COL21A1: variants seen among roughly 807,000 people sequenced by gnomAD.
The protein encoded by COL21A1 is collagen type XXI alpha 1 chain.
COL21A1 carries 149 observed loss-of-function variants against 137.9 expected under a neutral mutation model. The ratio of observed to expected loss-of-function variants is 1.08; its 90% confidence interval spans 0.95 to 1.24. COL21A1 has a LOEUF of 1.24. Ranked by LOEUF, COL21A1 falls within the 50% of genes most tolerant of loss-of-function variation. COL21A1 has a pLI of 0.00. For synonymous variants in COL21A1, 456 were observed against 391.5 expected (o/e 1.16, Z -1.95); for missense variants, 1,167 against 1,158.4 (o/e 1.01, Z -0.11).
intron 1 of COL21A1, among the ~76,000 whole-genome samples, chr6:56,213,506 T>C (rs188428190): frequency 1.3e-5 from 2 of 152,196 alleles, no homozygotes; most frequent in Non-Finnish European, 2.9e-5. Flanking sequence ...TAGCCTTGCT[T>C]AGCCACAGTA....
At chr6:56,280,560 A>G (rs557413888) in intron 1 of COL21A1, among the ~76,000 whole-genome samples, 1 of 152,314 alleles carries the variant, frequency 6.6e-6, no homozygotes, top group Admixed American at 6.5e-5. Flanking sequence ...GAAAAGCCCA[A>G]TCAAGGACTC....
intron 1 of COL21A1, among the ~76,000 whole-genome samples, chr6:56,282,665 C>G (rs761356486): frequency 3.9e-5 from 6 of 152,190 alleles, no homozygotes; most frequent in Non-Finnish European, 8.8e-5. Flanking sequence ...TAAATCAAAT[C>G]CAGACACCTT....
rs765498444 is a variant in COL21A1, at chr6:56,182,521, T to C, written c.88+10A>G. On this transcript the variant is annotated intron_variant, in intron 2 of 29. Transcript: ENST00000244728. ...TGATAACAAAAAAGGACAATGCTGA[T>C]AGTTCTTACTTGATCTTACTTCCCC... The C allele has an allele frequency of 3.9e-6, 6 of 1,558,300 alleles. No individual in the cohort carries two copies. The highest frequency in any genetic ancestry group is 1.4e-5 in the African/African-American group (1 of 73,920).
rs187561208 is a variant in COL21A1 at position 56,156,068 on chromosome 6, A to G, written c.1434+819T>C. On this transcript the variant is annotated intron_variant, in intron 10 of 29. Coordinates refer to ENST00000244728, the MANE Select transcript of COL21A1 (RefSeq NM_030820.4). ...TTTAGTCAGACTATAAATATATCCCAGTGTATACATTATTAGGAAAATAAC... is the reference window on the plus strand; with the variant it reads ...TTTAGTCAGACTATAAATATATCCCGGTGTATACATTATTAGGAAAATAAC... 9.2e-5 allele frequency among the ~76,000 whole-genome samples: 14 copies of G among 152,354 alleles called. No individual in the cohort carries two copies. In the East Asian group the frequency reaches 2.5e-3, roughly 27 times the overall value.
chr6:56,151,216 ACTCTGT>A (rs983458508), intron 10 of COL21A1, among the ~76,000 whole-genome samples: 2 of 152,198 alleles, frequency 1.3e-5, no homozygotes, highest in Admixed American at 6.5e-5. Context: ...ACAGAGCAAG[ACTCTGT>A]CTCAAACAAA....
In COL21A1 at chr6:56,069,071, C is replaced by G. The variant is rs1348329661; in HGVS notation, c.2066G>C (p.Gly689Ala). Reference protein sequence around the residue: ...TGSPGEPGYMGLPGIQGKKGD... With the variant: ...TGSPGEPGYMALPGIQGKKGD... ...CTTTTTTCCTTGAATCCCGGGTAAA[C>G]CCATGTATCCTGGTTCTCCTGGGGA... is the stretch of plus-strand genomic sequence containing the variant. Residue 689 changes from glycine (G) to alanine (A), a missense_variant, in exon 22 of 30, where the codon GGT (glycine) becomes GCT (alanine). By Grantham distance (60) the Gly-to-Ala change is moderately conservative (BLOSUM62 0). Transcript: ENST00000244728. The G allele has an allele frequency of 6.2e-7, 1 of 1,600,476 alleles. No homozygotes were observed.
chr6:56,345,613 C>T (rs1765579768), intron 1 of COL21A1, among the ~76,000 whole-genome samples: 1 of 152,194 alleles, frequency 6.6e-6, no homozygotes, highest in African/African-American at 2.4e-5. Context: ...GTACACACGC[C>T]TGATCGCTAC....
intron 1 of COL21A1, among the ~76,000 whole-genome samples, chr6:56,225,218 T>G (rs900979039): frequency 2.0e-5 from 3 of 152,074 alleles, no homozygotes; most frequent in African/African-American, 7.2e-5. Context: ...AGATTTCTAC[T>G]AAAGCAAACA....
At chr6:56,217,920 G>T (rs1780590684) in intron 1 of COL21A1, among the ~76,000 whole-genome samples, 1 of 152,118 alleles carries the variant, frequency 6.6e-6, no homozygotes. Flanking sequence ...TCTGAGAGCT[G>T]GAGGTTGCAT....
intron 1 of COL21A1, among the ~76,000 whole-genome samples, chr6:56,316,804 A>G (rs1004311337): frequency 2.6e-5 from 4 of 152,062 alleles, no homozygotes; most frequent in Non-Finnish European, 5.9e-5. Context: ...ATTTTTTATA[A>G]AAAGGAAATA....
intron 3 of COL21A1, among the ~76,000 whole-genome samples, chr6:56,178,415 A>G (rs1478903464): frequency 6.6e-6 from 1 of 152,122 alleles, no homozygotes; most frequent in African/African-American, 2.4e-5. Flanking sequence ...AATTTTCTAT[A>G]TTCTCTTAAA....
intron 1 of COL21A1, among the ~76,000 whole-genome samples, chr6:56,352,316 G>C (rs980598375): frequency 1.3e-5 from 2 of 152,018 alleles, no homozygotes; most frequent in African/African-American, 4.8e-5. Context: ...CCACATAGTC[G>C]GTCTTGTGGA....
intron 10 of COL21A1, among the ~76,000 whole-genome samples, chr6:56,147,219 G>GCTAACCTCATTTCCT (rs1300293326): frequency 1.7e-4 from 26 of 152,160 alleles, no homozygotes; most frequent in African/African-American, 5.5e-4. Context: ...GCGATCAATA[G>GCTAACCTCATTTCCT]CTAACCTCAT....
chr6:56,086,331 T>A (rs998609271), intron 17 of COL21A1, among the ~76,000 whole-genome samples: 1 of 152,106 alleles, frequency 6.6e-6, no homozygotes, highest in Non-Finnish European at 1.5e-5. Flanking sequence ...CAGTTGAAAA[T>A]CCACGGTTAA....
At chr6:56,346,749 G>A (rs2206535) in intron 1 of COL21A1, among the ~76,000 whole-genome samples, 106,323 of 152,078 alleles carry the variant, frequency 0.7, 37,566 homozygotes, top group East Asian at 0.93. Flanking sequence ...CCACCTCCCA[G>A]TGAGAGCTGT....
At chr6:56,259,280 T>TA (rs1763190422) in intron 1 of COL21A1, among the ~76,000 whole-genome samples, 1 of 152,188 alleles carries the variant, frequency 6.6e-6, no homozygotes, top group South Asian at 2.1e-4. Context: ...TCTTCAATGC[T>TA]TCCATTTGCA....
At chr6:56,179,237 G>A (rs1271945268) in intron 3 of COL21A1, among the ~76,000 whole-genome samples, 16 of 152,116 alleles carry the variant, frequency 1.1e-4, no homozygotes, top group African/African-American at 3.9e-4. Flanking sequence ...ATATGATTAT[G>A]TGTGATTTAT....
chr6:56,247,149 C>T (rs192668624), intron 1 of COL21A1, among the ~76,000 whole-genome samples: 557 of 152,284 alleles, frequency 3.7e-3, no homozygotes, highest in Middle Eastern at 0.014. Flanking sequence ...GGAATCTGCA[C>T]CCAGAGAACC....
rs1187494717 is a variant in COL21A1 at position 56,141,817 on chromosome 6, A to C, written c.1510T>G (p.Tyr504Asp). ...CCATCTCGCCCTGGTTCTCCTTTGT[A>C]ACCTGGTAGTCCTCGAGCTCCCTAA... ...GIQGARGLPG[Y>D]KGEPGRDGDK... Residue 504 changes from tyrosine (Y) to aspartate (D), a missense_variant, in exon 12 of 30, where the codon TAC becomes GAC. Tyr to Asp is a radical substitution (Grantham distance 160, BLOSUM62 -3). Coordinates refer to ENST00000244728, the MANE Select transcript of COL21A1 (RefSeq NM_030820.4). 6 of 1,613,602 alleles carry C rather than the reference A, an allele frequency of 3.7e-6. No individual in the cohort carries two copies. The Admixed American group carries it at 1.0e-4, about 27-fold the overall frequency.
Sources: gnomAD v4.1 joint callset for allele counts (sites outside exome capture counted in the v4.1 genomes callset) on GRCh38, gnomAD v4.1.1 for gene constraint, MANE v1.5 for transcripts, NCBI Gene and HGNC (gene_info 2026-07-23, HGNC 2026-07-21) for gene names.